EVC: variants seen among roughly 807,000 people sequenced by gnomAD.
EVC encodes the protein evC complex member EVC.
Under a neutral mutation model 118.9 loss-of-function variants are expected in EVC, and 116 were observed. The ratio of observed to expected loss-of-function variants is 0.98; its 90% CI spans 0.84 to 1.14. The LOEUF (loss-of-function observed/expected upper bound fraction) is 1.14, where lower values mean the gene tolerates loss of function less well. EVC is among the 50% of genes most tolerant of loss of function. EVC has a pLI of 0.00. For missense variants in EVC, 1,401 were observed against 1,246.4 expected, an observed-to-expected ratio of 1.12 and a Z score of -1.87; for synonymous variants, 619 against 534.7, an observed-to-expected ratio of 1.16 and a Z score of -2.18.
rs202236029 is a variant in EVC, at chr4:5,802,036, C to T, written c.2391C>T (p.Ile797=). ...TGGTGCAGGCGTATTACCAGCAAAT[C>T]GGAAGGATCATGGAGGACCACGAGG... is the stretch of plus-strand genomic sequence containing the variant. ...SRLVQAYYQQ[I]GRIMEDHEER... Residue 797 remains isoleucine, a synonymous_variant, in exon 16 of 21, where the codon ATC becomes ATT. Transcript: ENST00000264956. 42 of 1,614,084 alleles carry T rather than the reference C, an allele frequency of 2.6e-5. No homozygotes were observed. Among genetic ancestry groups the T allele is most frequent in the South Asian group, 4.4e-5 (4 of 91,084 alleles).
downstream of EVC, among the ~76,000 whole-genome samples, chr4:5,815,489 A>G (rs1211037360): frequency 1.3e-5 from 2 of 152,296 alleles, no homozygotes; most frequent in East Asian, 1.9e-4. Flanking sequence ...GTGGCCGTTT[A>G]GAGGGTAAAG....
the EVC span, chr4:5,825,890 TAC>T: frequency 1.9e-6 from 1 of 538,878 alleles, no homozygotes. This position sits in a 1 kb window ranked among gnomAD's most constrained non-coding sequence, Gnocchi z 4.4. Context: ...CCCACATGCA[TAC>T]ACATACAGAC....
chr4:5,748,067 T>G, intron 7 of EVC, 81 bp from the exon 8 acceptor site: 1 of 1,476,258 alleles, frequency 6.8e-7, no homozygotes, highest in Non-Finnish European at 9.4e-7. Flanking sequence ...GGGAGTGAAT[T>G]GTAATTCCCG....
At chr4:5,767,605 A>T (rs139932846) in intron 11 of EVC, among the ~76,000 whole-genome samples, 11,767 of 149,770 alleles carry the variant, frequency 0.079, 702 homozygotes, top group South Asian at 0.14. Context: ...TCTCCTGGTG[A>T]GCCGTTTTTT....
intron 4 of EVC, among the ~76,000 whole-genome samples, chr4:5,733,125 A>G (rs757431609): frequency 7.2e-5 from 11 of 152,080 alleles, no homozygotes; most frequent in Non-Finnish European, 1.5e-4. Context: ...CCAGGCACCT[A>G]TGTCTCTGAC....
At chr4:5,763,819 T>C (rs1228984871) in intron 11 of EVC, among the ~76,000 whole-genome samples, 2 of 101,814 alleles carry the variant, frequency 2.0e-5, no homozygotes, top group Admixed American at 9.2e-5. Context: ...AATGGGGTTT[T>C]CTAGATATAC....
At chr4:5,827,609 TAC>T in the EVC span, among the ~76,000 whole-genome samples, 954 of 151,816 alleles carry the variant, frequency 6.3e-3, 6 homozygotes, top group Non-Finnish European at 9.0e-3. Context: ...CATGCTCGCA[TAC>T]ACACACGCGC....
At chr4:5,792,425 G>A (rs571596774) in intron 12 of EVC, among the ~76,000 whole-genome samples, 64 of 152,344 alleles carry the variant, frequency 4.2e-4, no homozygotes, top group African/African-American at 1.5e-3. Flanking sequence ...ATTGCATAGT[G>A]TAAGAGGAAC....
rs1481726782 is a variant in EVC at position 5,755,514 on chromosome 4, C to G, written c.1465-750C>G. On this transcript the variant is annotated intron_variant, in intron 10 of 20. Transcript: ENST00000264956. This position sits in a 1 kb window ranked among gnomAD's most constrained non-coding sequence, Gnocchi z 4.1. ...GCACCCACCTTTTTCCAGTCCCGCC[C>G]TTCTCTCTCATCTCACCTCCTGCCC... is the stretch of plus-strand genomic sequence containing the variant. Among the ~76,000 whole-genome samples the G allele has an allele frequency of 2.0e-5, 3 of 152,110 alleles. No individual in the cohort carries two copies.
the EVC span, chr4:5,825,111 A>G: frequency 0.056 from 55,016 of 985,356 alleles, 1,579 homozygotes; most frequent in African/African-American, 0.063. The surrounding 1 kb of genome is among the most constrained non-coding windows in gnomAD (Gnocchi z 4.4). Flanking sequence ...CTAAAGACTT[A>G]CACAGAGCAC....
At chr4:5,827,736 C>CACAG in the EVC span, among the ~76,000 whole-genome samples, 2 of 144,606 alleles carry the variant, frequency 1.4e-5, no homozygotes, top group South Asian at 4.3e-4. Context: ...TGCGCGTGCA[C>CACAG]ACACACACAC....
intron 1 of EVC, among the ~76,000 whole-genome samples, chr4:5,713,985 C>G (rs565774634): frequency 6.6e-6 from 1 of 152,350 alleles, no homozygotes; most frequent in East Asian, 1.9e-4. Flanking sequence ...GAGCACCTAC[C>G]CTGATGCACA....
chr4:5,720,548 C>T (rs1424046729), intron 2 of EVC, among the ~76,000 whole-genome samples: 1 of 152,208 alleles, frequency 6.6e-6, no homozygotes, highest in Non-Finnish European at 1.5e-5. Context: ...AAAGTGGGCT[C>T]GGGATATAAA....
At chr4:5,761,075 C>T in intron 11 of EVC, among the ~76,000 whole-genome samples, 1 of 152,178 alleles carries the variant, frequency 6.6e-6, no homozygotes, top group Admixed American at 6.5e-5. Flanking sequence ...GCTGGCTGCG[C>T]CCTCCTGGCT....
intron 17 of EVC, among the ~76,000 whole-genome samples, chr4:5,806,285 T>A (rs1228838525): frequency 2.0e-5 from 3 of 151,928 alleles, no homozygotes; most frequent in African/African-American, 4.8e-5. Flanking sequence ...TTTTACCATG[T>A]TGGCCAGGCC....
chr4:5,726,390 G>C (rs994935138), intron 2 of EVC, among the ~76,000 whole-genome samples: 1 of 152,070 alleles, frequency 6.6e-6, no homozygotes, highest in Non-Finnish European at 1.5e-5. Flanking sequence ...TGCAGGGCTG[G>C]GGTGAGGATG....
intron 7 of EVC, among the ~76,000 whole-genome samples, chr4:5,747,124 G>A (rs188896402): frequency 1.4e-4 from 22 of 152,200 alleles, no homozygotes; most frequent in African/African-American, 5.1e-4. Context: ...AGGCAATGGG[G>A]CCCTGAGATG....
At position 5,742,862 on chromosome 4, in the gene EVC, T is replaced by C. The variant is rs963492412; in HGVS notation, c.801+1048T>C. 6.6e-6 allele frequency among the ~76,000 whole-genome samples: 1 copy of C among 152,182 alleles called. No individual in the cohort carries two copies. The highest frequency in any genetic ancestry group is 1.5e-5 in the Non-Finnish European group (1 of 68,034). On this transcript the variant is annotated intron_variant, in intron 6 of 20. Transcript: ENST00000264956. The surrounding 1 kb of genome is among the most constrained non-coding windows in gnomAD (Gnocchi z 5.2). The stretch of plus-strand genomic sequence containing the variant: ...AGGAAGGAATTCAAGGGAGAGCCAG[T>C]GGTGTTAGACAGTAGTGTTTTAGTG...
At chr4:5,730,349 C>T (rs1320424763) in intron 3 of EVC, among the ~76,000 whole-genome samples, 1 of 152,176 alleles carries the variant, frequency 6.6e-6, no homozygotes, top group Non-Finnish European at 1.5e-5. Context: ...AGGAATATTT[C>T]ACCTTGTTTA....
Sources: gnomAD v4.1 joint callset for allele counts (sites outside exome capture counted in the v4.1 genomes callset) on GRCh38, gnomAD v4.1.1 for gene constraint, Gnocchi (gnomAD v3.1) non-coding constraint, MANE v1.5 for transcripts, NCBI Gene and HGNC (gene_info 2026-07-23, HGNC 2026-07-21) for gene names.